The following PZP variants were observed in gnomAD, a reference collection of about 807,000 sequenced individuals.
PZP encodes pregnancy zone protein.
A neutral mutation model predicts 179.8 loss-of-function variants in PZP; 150 were observed. That is an observed-to-expected ratio of 0.83 (90% CI 0.73 to 0.96). The LOEUF is 0.96. PZP is among the 40% of genes least tolerant of loss of function. The pLI is 0.00. For synonymous variants in PZP, 624 were observed against 652.3 expected, an observed-to-expected ratio of 0.96 and a Z score of 0.66; for missense variants, 1,689 against 1,764.0, an observed-to-expected ratio of 0.96 and a Z score of 0.76.
the PZP span, among the ~76,000 whole-genome samples, chr12:9,143,391 TG>T: frequency 2.0e-5 from 3 of 151,988 alleles, no homozygotes; most frequent in African/African-American, 7.2e-5. Flanking sequence ...AGTTTGGGGC[TG>T]AGGGTTCGGA....
At chr12:9,184,766 C>T (rs935048603) in intron 13 of PZP, among the ~76,000 whole-genome samples, 2 of 152,212 alleles carry the variant, frequency 1.3e-5, no homozygotes, top group Non-Finnish European at 2.9e-5. Context: ...GATACCAGTT[C>T]CCCAGAGTTA....
At position 9,168,972 on chromosome 12, in the gene PZP, C is replaced by T. The variant is rs767154634; in HGVS notation, c.2004G>A (p.Gly668=). ...NEADIYSFLK[G]MGLKVFTNSK... Reference sequence around the variant, plus strand: ...AGTTAGTGAACACCTTCAATCCCATCCCCTGGAAAAAAATAATTGTTCAAT... The same window carrying T: ...AGTTAGTGAACACCTTCAATCCCATTCCCTGGAAAAAAATAATTGTTCAAT... The change falls in exon 17 of 36, where the codon GGG becomes GGA. Residue 668 remains glycine, a splice_region_variant and synonymous_variant. Transcript: ENST00000261336. 3.1e-6 allele frequency: 5 copies of T among 1,609,830 alleles called. No individual in the cohort carries two copies. The highest frequency in any genetic ancestry group is 4.3e-6 in the Non-Finnish European group (5 of 1,176,404).
rs189695548 is a variant in PZP, at chr12:9,178,170, C to G, written c.1839+2813G>C. On this transcript the variant is annotated intron_variant, in intron 15 of 35. Transcript: ENST00000261336. ...CAAGATTTCCATTATCTGTGGTCAA[C>G]TGTGATCCAAACATATTAAATGGCA... Among the ~76,000 whole-genome samples the G allele has an allele frequency of 8.7e-4, 133 of 152,320 alleles. 1 individual carries two copies. The highest frequency in any genetic ancestry group is 3.4e-3 in the Middle Eastern group (1 of 294).
intron 18 of PZP, 124 bp downstream of exon 18, chr12:9,165,928 C>A: frequency 8.2e-7 from 1 of 1,218,584 alleles, no homozygotes; most frequent in Non-Finnish European, 1.1e-6. Context: ...TTAGGTCTAT[C>A]CTAAAGAGGA....
intron 14 of PZP, 79 bp from the exon 15 acceptor site, chr12:9,181,211 C>T: frequency 6.4e-7 from 1 of 1,568,794 alleles, no homozygotes; most frequent in Non-Finnish European, 8.7e-7. Context: ...TCCTAAGCCA[C>T]CCTTATATTC....
intron 22 of PZP, among the ~76,000 whole-genome samples, chr12:9,161,942 T>C (rs1001615500): frequency 1.3e-5 from 2 of 152,084 alleles, no homozygotes. Flanking sequence ...CCCTGCTGTC[T>C]TTAGTTTTTG....
chr12:9,162,469 T>C, intron 22 of PZP, 128 bp downstream of exon 22: 1 of 687,064 alleles, frequency 1.5e-6, no homozygotes, highest in South Asian at 1.9e-5. Context: ...TAAAGAAATA[T>C]TTAGTATTAT....
chr12:9,159,607 T>C (rs1941021351), intron 25 of PZP, among the ~76,000 whole-genome samples: 1 of 151,796 alleles, frequency 6.6e-6, no homozygotes, highest in African/African-American at 2.4e-5. Context: ...GAGGAGGAGA[T>C]GCTAGCCCAG....
rs761041310 is a variant in PZP at position 9,157,809 on chromosome 12, G to A, written c.3327C>T (p.Ala1109=). ...TTTCCAGAAGGGCAATAGTAACATAGGCGGAGAGGGTCGCTTCATCTTCTA... is the reference window on the plus strand; with the variant it reads ...TTTCCAGAAGGGCAATAGTAACATAAGCGGAGAGGGTCGCTTCATCTTCTA... ...GGVEDEATLS[A]YVTIALLEIP... The change falls in exon 27 of 36, where the codon GCC becomes GCT. Residue 1109 remains alanine, a synonymous_variant. Transcript: ENST00000261336. 1.9e-6 allele frequency: 3 copies of A among 1,614,112 alleles called. No homozygotes were observed. Among genetic ancestry groups the A allele is most frequent in the Non-Finnish European group, 2.5e-6 (3 of 1,179,952 alleles).
intron 15 of PZP, among the ~76,000 whole-genome samples, chr12:9,175,284 T>C (rs1478130989): frequency 6.6e-6 from 1 of 152,188 alleles, no homozygotes; most frequent in Non-Finnish European, 1.5e-5. Flanking sequence ...ACTGGACCCC[T>C]TCCTTTCACC....
At chr12:9,182,206 T>G in intron 13 of PZP, 89 bp from the exon 14 acceptor site, 1 of 1,013,064 alleles carries the variant, frequency 9.9e-7, no homozygotes, top group Non-Finnish European at 1.3e-6. Context: ...TTGCTTGGTC[T>G]TATCCACTTG....
chr12:9,138,070 A>C, the PZP span, among the ~76,000 whole-genome samples: 1 of 152,016 alleles, frequency 6.6e-6, no homozygotes, highest in Admixed American at 6.5e-5. Flanking sequence ...TAAAAGTGGC[A>C]AGAGTGGGCA....
chr12:9,169,621 C>G (rs903376202), intron 15 of PZP, 30 bp from the exon 16 acceptor site: 8 of 1,532,576 alleles, frequency 5.2e-6, no homozygotes, highest in Non-Finnish European at 6.1e-6. Context: ...AAAGGCAGAA[C>G]TGTTACTTAC....
intron 15 of PZP, among the ~76,000 whole-genome samples, chr12:9,179,317 C>G (rs1395535725): frequency 6.6e-6 from 1 of 152,098 alleles, no homozygotes; most frequent in Non-Finnish European, 1.5e-5. Flanking sequence ...TTTATTGCCT[C>G]TCTCTAAGGA....
chr12:9,159,877 G>T, intron 25 of PZP, 61 bp downstream of exon 25: 1 of 1,395,912 alleles, frequency 7.2e-7, no homozygotes, highest in Non-Finnish European at 1.0e-6. Context: ...GACTAAGACA[G>T]GTAATCTATG....
In PZP at chr12:9,166,164, A is replaced by G. The variant is rs752288128; in HGVS notation, c.2146T>C (p.Leu716=). 1.9e-6 allele frequency: 3 copies of G among 1,613,834 alleles called. No homozygotes were observed. Among genetic ancestry groups the G allele is most frequent in the Non-Finnish European group, 2.5e-6 (3 of 1,179,926 alleles). The change falls in exon 18 of 36, where the codon TTA becomes CTA. Residue 716 remains leucine, a synonymous_variant. Coordinates refer to ENST00000261336, the MANE Select transcript of PZP (RefSeq NM_002864.3). ...AAGGGTATCACATTATATGTGCCTA[A>G]TTGAGGAACATATGGTCTCTCTACT... ...GVVERPYVPQ[L]GTYNVIPLNN...
chr12:9,172,094 A>C (rs77652961), intron 15 of PZP, among the ~76,000 whole-genome samples: 2,734 of 152,274 alleles, frequency 0.018, 76 homozygotes, highest in African/African-American at 0.058. Context: ...CCTAGAGAGA[A>C]AGGCCAAGTC....
chr12:9,204,711 A>G (rs1243357999), intron 1 of PZP, among the ~76,000 whole-genome samples: 9 of 152,196 alleles, frequency 5.9e-5, no homozygotes, highest in Admixed American at 2.6e-4. Flanking sequence ...GGCAATTAAC[A>G]TTAATAATTT....
At position 9,196,597 on chromosome 12, in the gene PZP, T is replaced by TC; in HGVS notation, c.955dup (p.Glu319GlyfsTer20). ...TGTCCCCTCTTCTCTGATCCTGGCTTCCACTCTAAGCTTCATTTCAAAGCC... is the reference window on the plus strand; with the variant it reads ...TGTCCCCTCTTCTCTGATCCTGGCTTCCCACTCTAAGCTTCATTTCAAAGCC... On this transcript the variant is annotated frameshift_variant, in exon 9 of 36. Transcript: ENST00000261336. LOFTEE classifies it high-confidence loss of function. 1 of 1,612,430 alleles carries TC rather than the reference T, an allele frequency of 6.2e-7. No individual in the cohort carries two copies. Among genetic ancestry groups the TC allele is most frequent in the Non-Finnish European group, 8.5e-7 (1 of 1,178,438 alleles).
Sources: allele counts gnomAD v4.1 joint callset (sites outside exome capture counted in the v4.1 genomes callset), GRCh38; gene constraint gnomAD v4.1.1; transcripts MANE v1.5; gene names NCBI Gene and HGNC (gene_info 2026-07-23, HGNC 2026-07-21).